CELF2: variants seen among roughly 807,000 people sequenced by gnomAD.
CELF2 encodes CUG triplet repeat RNA-binding protein 2.
A neutral mutation model predicts 62.6 loss-of-function variants in CELF2; 8 were observed. The observed-to-expected ratio is 0.13, with a 90% CI of 0.07 to 0.23. CELF2 has a LOEUF of 0.23. Ranked by LOEUF, CELF2 falls within the 10% of genes least tolerant of loss-of-function variation. The probability of loss-of-function intolerance (pLI) is 1.00; values close to 1 mark genes in which losing one functional copy is unlikely to be tolerated. For synonymous variants in CELF2, 258 were observed against 250.0 expected (o/e 1.03, Z -0.30); for missense variants, 333 against 671.0 (o/e 0.50, Z 5.56).
At chr10:11,050,971 A>G (rs941939408) in intron 1 of CELF2, among the ~76,000 whole-genome samples, 2 of 152,208 alleles carry the variant, frequency 1.3e-5, no homozygotes, top group African/African-American at 2.4e-5. Context: ...GAAAGGAGTG[A>G]TAATAATAAA....
chr10:10,563,469 G>A, the CELF2 span, among the ~76,000 whole-genome samples: 5 of 152,068 alleles, frequency 3.3e-5, no homozygotes, highest in Admixed American at 3.3e-4. Flanking sequence ...AATTGGCCAG[G>A]CATGGTGGTG....
intron 1 of CELF2, among the ~76,000 whole-genome samples, chr10:11,034,747 T>C (rs2060688403): frequency 6.6e-6 from 1 of 152,184 alleles, no homozygotes; most frequent in Admixed American, 6.6e-5. Flanking sequence ...ATGGAATTAA[T>C]TGTGTAAGCA....
At chr10:10,952,393 T>C (rs1378063193) in intron 2 of CELF2, among the ~76,000 whole-genome samples, 3 of 152,162 alleles carry the variant, frequency 2.0e-5, no homozygotes, top group East Asian at 3.8e-4. Flanking sequence ...CAGTCGTGCA[T>C]GGCTTCAGGG....
At chr10:11,023,390 G>T (rs1317812059) in intron 1 of CELF2, among the ~76,000 whole-genome samples, 1 of 152,208 alleles carries the variant, frequency 6.6e-6, no homozygotes, top group East Asian at 1.9e-4. Flanking sequence ...AAATGGAGCT[G>T]CACATTCCTG....
the CELF2 span, among the ~76,000 whole-genome samples, chr10:10,520,822 G>C: frequency 6.6e-6 from 1 of 152,140 alleles, no homozygotes; most frequent in African/African-American, 2.4e-5. Flanking sequence ...TATGCTCTAG[G>C]CTTCACAGAA....
chr10:11,080,078 T>G lies in CELF2; in HGVS notation c.74+61915T>G, dbSNP rs577362334. On this transcript the variant is annotated intron_variant, in intron 1 of 12. Transcript: ENST00000633077. ...GTCATTAAGGTAGAGAGGAAAGAGCTTTGCACTTGACAGATGCTAGTTCAA... is the reference window on the plus strand; with the variant it reads ...GTCATTAAGGTAGAGAGGAAAGAGCGTTGCACTTGACAGATGCTAGTTCAA... Among the ~76,000 whole-genome samples, 119 of 152,310 alleles carry G rather than the reference T, an allele frequency of 7.8e-4. 2 individuals are homozygous for G. Among genetic ancestry groups the G allele is most frequent in the Non-Finnish European group, 1.5e-3 (101 of 68,026 alleles).
intron 1 of CELF2, among the ~76,000 whole-genome samples, chr10:10,903,052 G>T (rs1805441411): frequency 6.6e-6 from 1 of 152,124 alleles, no homozygotes; most frequent in African/African-American, 2.4e-5. Context: ...AGCTATCAGA[G>T]AACTCGTCTA....
rs2046438713 is a variant in CELF2, at chr10:10,936,781, G to A, written c.89+16782G>A. On this transcript the variant is annotated intron_variant, in intron 2 of 13. Coordinates refer to the CELF2 transcript ENST00000636488. This position sits in a 1 kb window ranked among gnomAD's most constrained non-coding sequence, Gnocchi z 4.0. ...TGCTGGCATATCACAGTGTAGAATG[G>A]TGCTCCTCAAATTTAGGTGGCTATG... 1 of 152,198 alleles carries A rather than the reference G, an allele frequency of 6.6e-6. No individual in the cohort carries two copies. Among genetic ancestry groups the A allele is most frequent in the African/African-American group, 2.4e-5 (1 of 41,444 alleles). The allele number at this position is 152,198 out of a possible 1,614,324, so 9.4% of individuals were successfully genotyped here. A position where few individuals can be genotyped will look rare whatever the true frequency, so the allele number is the denominator to read the frequency against.
In CELF2 at chr10:11,306,280, T is replaced by C. The variant is rs954427737; in HGVS notation, c.977-7859T>C. On this transcript the variant is annotated intron_variant, in intron 9 of 12. Coordinates refer to ENST00000633077, the MANE Select transcript of CELF2 (RefSeq NM_001326342.2). The surrounding 1 kb of genome is among the most constrained non-coding windows in gnomAD (Gnocchi z 4.4). Reference sequence around the variant, plus strand: ...ACCGCACCTCTCCTGAGATGCTCCTTTGGCATTTTGTAAAACTTTTAAGTG... The same window carrying C: ...ACCGCACCTCTCCTGAGATGCTCCTCTGGCATTTTGTAAAACTTTTAAGTG... Among the ~76,000 whole-genome samples the C allele has an allele frequency of 1.3e-5, 2 of 151,996 alleles. No individual in the cohort carries two copies. The highest frequency in any genetic ancestry group is 1.5e-5 in the Non-Finnish European group (1 of 67,996).
chr10:10,961,305 A>G (rs370090359), intron 2 of CELF2, among the ~76,000 whole-genome samples: 2 of 152,182 alleles, frequency 1.3e-5, no homozygotes, highest in East Asian at 1.9e-4. Flanking sequence ...AGTTTGTGAT[A>G]TTGACTTCCT....
chr10:10,512,888 C>T, the CELF2 span, among the ~76,000 whole-genome samples: 1 of 152,160 alleles, frequency 6.6e-6, no homozygotes, highest in Non-Finnish European at 1.5e-5. Context: ...AATACCCTGG[C>T]CACCATCCCA....
At chr10:10,874,105 AGTTTGACACCAGCCAGGG>A (rs1371906103) in intron 1 of CELF2, among the ~76,000 whole-genome samples, 1 of 152,162 alleles carries the variant, frequency 6.6e-6, no homozygotes, top group Non-Finnish European at 1.5e-5. Flanking sequence ...TGAGCCCAGG[AGTTTGACACCAGCCAGGG>A]CAACGTAGCA....
chr10:10,567,416 T>C, the CELF2 span, among the ~76,000 whole-genome samples: 1 of 152,000 alleles, frequency 6.6e-6, no homozygotes, highest in African/African-American at 2.4e-5. Context: ...GAGATTCAAG[T>C]ATAGGAGGTT....
the CELF2 span, among the ~76,000 whole-genome samples, chr10:10,730,527 G>A: frequency 6.6e-6 from 1 of 152,136 alleles, no homozygotes; most frequent in African/African-American, 2.4e-5. Context: ...GTGTTTTCTA[G>A]CATGTAGCAC....
At chr10:11,149,009 G>A (rs2062799589) in intron 1 of CELF2, among the ~76,000 whole-genome samples, 1 of 152,140 alleles carries the variant, frequency 6.6e-6, no homozygotes, top group Non-Finnish European at 1.5e-5. Context: ...AACCCATTTA[G>A]GAGAGTAACC....
At chr10:11,142,064 TACCTTA>T (rs2061435493) in intron 1 of CELF2, among the ~76,000 whole-genome samples, 1 of 152,236 alleles carries the variant, frequency 6.6e-6, no homozygotes, top group Non-Finnish European at 1.5e-5. Flanking sequence ...TGTTAAGTAA[TACCTTA>T]ACCAGGTAGC....
At chr10:10,927,169 A>G (rs984843099) in intron 2 of CELF2, 18 of 151,872 alleles carry the variant, frequency 1.2e-4, no homozygotes, top group African/African-American at 3.4e-4. Flanking sequence ...TCTCATTCAT[A>G]TATCTCCAGC....
chr10:10,833,372 C>T (rs17148976), intron 1 of CELF2, among the ~76,000 whole-genome samples: 1 of 152,128 alleles, frequency 6.6e-6, no homozygotes, highest in Non-Finnish European at 1.5e-5. Flanking sequence ...TAAACTGATG[C>T]TGAAGGTGAA....
chr10:10,693,483 G>A, the CELF2 span, among the ~76,000 whole-genome samples: 2 of 152,012 alleles, frequency 1.3e-5, no homozygotes, highest in South Asian at 4.2e-4. Flanking sequence ...TTTTTTGGCT[G>A]TGTCTCTGCC....
Sources: allele counts gnomAD v4.1 joint callset (sites outside exome capture counted in the v4.1 genomes callset), GRCh38; gene constraint gnomAD v4.1.1; non-coding constraint Gnocchi (gnomAD v3.1); transcripts MANE v1.5; gene names NCBI Gene and HGNC (gene_info 2026-07-23, HGNC 2026-07-21).